The following VWA3B variants were observed in gnomAD, a reference collection of about 807,000 sequenced individuals.
VWA3B encodes von Willebrand factor A domain-containing protein 3B.
Under a neutral mutation model 158.3 loss-of-function variants are expected in VWA3B, and 138 were observed. The ratio of observed to expected loss-of-function variants is 0.87; its 90% confidence interval spans 0.76 to 1.00. The LOEUF is 1.00. Ranked by LOEUF, VWA3B falls within the 50% of genes least tolerant of loss-of-function variation. VWA3B has a pLI of 0.00. For missense variants in VWA3B, 1,555 were observed against 1,565.1 expected (o/e 0.99, Z 0.11); for synonymous variants, 596 against 587.3 (o/e 1.01, Z -0.21).
At chr2:98,107,569 G>A (rs1007303051) in intron 2 of VWA3B, among the ~76,000 whole-genome samples, 1 of 151,930 alleles carries the variant, frequency 6.6e-6, no homozygotes, top group African/African-American at 2.4e-5. Flanking sequence ...AACAGATATA[G>A]GACTAGTCAA....
chr2:98,297,778 A>C (rs1689901837), intron 23 of VWA3B, 129 bp from the exon 24 acceptor site: 6 of 1,197,734 alleles, frequency 5.0e-6, no homozygotes, highest in Non-Finnish European at 6.4e-6. Flanking sequence ...TCTGCTGGAG[A>C]AATCAAAGGG....
intron 8 of VWA3B, among the ~76,000 whole-genome samples, chr2:98,164,976 A>G (rs1678941652): frequency 6.6e-6 from 1 of 152,368 alleles, no homozygotes; most frequent in South Asian, 2.1e-4. Context: ...CTTCTGCACA[A>G]CGACTATCAT....
chr2:98,303,416 G>A (rs1185145261), intron 25 of VWA3B, among the ~76,000 whole-genome samples: 3 of 135,914 alleles, frequency 2.2e-5, no homozygotes, highest in Non-Finnish European at 5.0e-5. Context: ...AGGTGGTTAT[G>A]TGAAGGTGTG....
chr2:98,194,099 T>C (rs1410495896), intron 11 of VWA3B, among the ~76,000 whole-genome samples: 1 of 152,178 alleles, frequency 6.6e-6, no homozygotes. Context: ...ATTATATATA[T>C]AAACTTTTAC....
chr2:98,315,688 C>T (rs1691071255), downstream of VWA3B, among the ~76,000 whole-genome samples: 1 of 152,054 alleles, frequency 6.6e-6, no homozygotes. Flanking sequence ...AAAAACTGTC[C>T]TTATAAAAGG....
chr2:98,305,738 C>T (rs1200163545), intron 26 of VWA3B, among the ~76,000 whole-genome samples: 1 of 152,112 alleles, frequency 6.6e-6, no homozygotes, highest in Non-Finnish European at 1.5e-5. Context: ...TACCACACCC[C>T]CTTGGTCTCC....
intron 16 of VWA3B, 32 bp from the exon 17 acceptor site, chr2:98,234,616 T>C (rs1429553703): frequency 6.2e-7 from 1 of 1,613,456 alleles, no homozygotes; most frequent in Non-Finnish European, 8.5e-7. Context: ...CATCCCCAAT[T>C]CCTTTAACTC....
At chr2:98,187,055 C>G (rs746100419) in intron 9 of VWA3B, among the ~76,000 whole-genome samples, 2 of 152,132 alleles carry the variant, frequency 1.3e-5, no homozygotes, top group Non-Finnish European at 2.9e-5. Context: ...CCTTTGCTCT[C>G]GCTGCATCCT....
At chr2:98,209,570 G>A (rs1010933765) in intron 12 of VWA3B, among the ~76,000 whole-genome samples, 3 of 151,996 alleles carry the variant, frequency 2.0e-5, no homozygotes, top group Non-Finnish European at 4.4e-5. Context: ...GTGAGCCACC[G>A]CGCCCAGGCA....
chr2:98,248,156 G>A (rs1245337462), intron 19 of VWA3B, among the ~76,000 whole-genome samples: 1 of 151,048 alleles, frequency 6.6e-6, no homozygotes, highest in African/African-American at 2.4e-5. Flanking sequence ...GTAAATTTTT[G>A]TACTTTTATA....
chr2:98,190,093 C>T (rs1222398791), intron 10 of VWA3B, among the ~76,000 whole-genome samples: 1 of 151,910 alleles, frequency 6.6e-6, no homozygotes, highest in Non-Finnish European at 1.5e-5. Context: ...TAAGATTTTG[C>T]TATTTGTTTT....
At chr2:98,216,509 CACAA>C (rs910558039) in intron 13 of VWA3B, among the ~76,000 whole-genome samples, 4 of 152,234 alleles carry the variant, frequency 2.6e-5, no homozygotes, top group Non-Finnish European at 5.9e-5. Flanking sequence ...CCTGCACATG[CACAA>C]ACAGACCTCC....
intron 1 of VWA3B, among the ~76,000 whole-genome samples, chr2:98,092,818 A>ATG (rs1308241609): frequency 0.01 from 422 of 40,588 alleles, 6 homozygotes; most frequent in South Asian, 0.017. Flanking sequence ...ATGTTTTTGT[A>ATG]TATATATATA....
At chr2:98,279,071 C>T (rs1688714629) in intron 22 of VWA3B, among the ~76,000 whole-genome samples, 1 of 152,082 alleles carries the variant, frequency 6.6e-6, no homozygotes, top group South Asian at 2.1e-4. Context: ...AAGCTGAAAT[C>T]CCAGAGGCAG....
At chr2:98,263,894 A>G (rs1687633976) in intron 21 of VWA3B, among the ~76,000 whole-genome samples, 1 of 151,818 alleles carries the variant, frequency 6.6e-6, no homozygotes, top group Non-Finnish European at 1.5e-5. Flanking sequence ...GAGGTTTTTG[A>G]TTATTGATTT....
At chr2:98,329,372 AG>A in the VWA3B span, among the ~76,000 whole-genome samples, 2 of 152,230 alleles carry the variant, frequency 1.3e-5, no homozygotes, top group African/African-American at 2.4e-5. Flanking sequence ...ACTCAAAAAA[AG>A]ATACTAACAA....
At chr2:98,123,921 C>T (rs1283448755) in intron 5 of VWA3B, among the ~76,000 whole-genome samples, 1 of 152,194 alleles carries the variant, frequency 6.6e-6, no homozygotes, top group Non-Finnish European at 1.5e-5. Context: ...AGGCCACCTA[C>T]CCAGAAGATA....
At chr2:98,279,576 G>A (rs761632836) in intron 22 of VWA3B, among the ~76,000 whole-genome samples, 1 of 152,220 alleles carries the variant, frequency 6.6e-6, no homozygotes, top group Non-Finnish European at 1.5e-5. Context: ...AAACGTTAAT[G>A]AAGGAACTCT....
chr2:98,121,400 T>A lies in VWA3B; in HGVS notation c.644T>A (p.Leu215Gln), dbSNP rs777298574. 2 of 1,614,196 alleles carry A rather than the reference T, an allele frequency of 1.2e-6. No individual in the cohort carries two copies. Among genetic ancestry groups the A allele is most frequent in the East Asian group, 4.5e-5 (2 of 44,886 alleles). ...ISWVEKLTVE[L>Q]TVSEAGRLDA... The stretch of plus-strand genomic sequence containing the variant: ...TGGGTTGAGAAACTGACGGTTGAGC[T>A]GACTGTGAGCGAGGCTGGCCGCCTG... The change falls in exon 5 of 28, where the codon CTG becomes CAG. Residue 215 changes from leucine to glutamine, a missense_variant. Leu to Gln is a moderately radical substitution (Grantham distance 113). Coordinates refer to ENST00000477737, the MANE Select transcript of VWA3B (RefSeq NM_144992.5).
Sources: gnomAD v4.1 joint callset for allele counts (sites outside exome capture counted in the v4.1 genomes callset) on GRCh38, gnomAD v4.1.1 for gene constraint, MANE v1.5 for transcripts, NCBI Gene and HGNC (gene_info 2026-07-23, HGNC 2026-07-21) for gene names.